The following MAP3K1 variants were observed in gnomAD, a reference collection of about 807,000 sequenced individuals.
MAP3K1 encodes MAP/ERK kinase kinase 1.
Under a neutral mutation model 144.2 loss-of-function variants are expected in MAP3K1, and 36 were observed. The observed-to-expected ratio is 0.25, with a 90% CI of 0.19 to 0.33. The LOEUF (loss-of-function observed/expected upper bound fraction) is 0.33. Among genes scored for constraint, MAP3K1 ranks in the 10% least tolerant of loss-of-function variants. The pLI is 1.00. For missense variants in MAP3K1, 1,650 were observed against 1,881.9 expected, an observed-to-expected ratio of 0.88 and a Z score of 2.28; for synonymous variants, 718 against 688.7, an observed-to-expected ratio of 1.04 and a Z score of -0.67.
chr5:56,855,251 G>T (rs1352669578), intron 1 of MAP3K1, among the ~76,000 whole-genome samples: 3 of 150,678 alleles, frequency 2.0e-5, no homozygotes, highest in African/African-American at 4.9e-5. Flanking sequence ...TTTATAATCA[G>T]CATAAAAAGC....
chr5:56,824,642 T>C (rs570682314), intron 1 of MAP3K1, among the ~76,000 whole-genome samples: 1 of 152,370 alleles, frequency 6.6e-6, no homozygotes, highest in East Asian at 1.9e-4. Context: ...GCTTGTAATA[T>C]AGATTAAGGA....
chr5:56,845,413 T>C (rs142623003), intron 1 of MAP3K1, among the ~76,000 whole-genome samples: 246 of 151,806 alleles, frequency 1.6e-3, no homozygotes, highest in Admixed American at 4.2e-3. Context: ...CATTTCACTG[T>C]GCCATGCATT....
At chr5:56,835,146 G>A (rs1285159169) in intron 1 of MAP3K1, among the ~76,000 whole-genome samples, 5 of 152,142 alleles carry the variant, frequency 3.3e-5, no homozygotes, top group African/African-American at 1.2e-4. Context: ...TTGATGGGCA[G>A]GCCCAGGATC....
intron 10 of MAP3K1, 116 bp from the exon 11 acceptor site, chr5:56,878,864 T>C: frequency 2.4e-6 from 2 of 834,936 alleles, no homozygotes; most frequent in Non-Finnish European, 4.0e-6. Context: ...TTTTATTCTA[T>C]GGGTTATAAT....
intron 12 of MAP3K1, 91 bp downstream of exon 12, chr5:56,880,893 T>C (rs1748184950): frequency 3.4e-6 from 4 of 1,164,322 alleles, no homozygotes; most frequent in Admixed American, 1.9e-5. Flanking sequence ...TGAGGCAGTT[T>C]ACAGGATTTT....
chr5:56,830,578 A>G (rs1746455906), intron 1 of MAP3K1, among the ~76,000 whole-genome samples: 2 of 152,140 alleles, frequency 1.3e-5, no homozygotes, highest in South Asian at 4.1e-4. Context: ...GTACACACAC[A>G]TTTTCCTGTA....
intron 11 of MAP3K1, 32 bp downstream of exon 11, chr5:56,879,133 C>G (rs1230611333): frequency 6.2e-7 from 1 of 1,613,496 alleles, no homozygotes; most frequent in Admixed American, 1.7e-5. Context: ...ACTTCAAACC[C>G]TCTTGTCTTA....
intron 5 of MAP3K1, 146 bp downstream of exon 5, chr5:56,865,602 C>CTTATAA: frequency 2.9e-6 from 2 of 692,080 alleles, no homozygotes; most frequent in Admixed American, 5.1e-5. Flanking sequence ...AAATAGTTCT[C>CTTATAA]ATGAGATATT....
chr5:56,853,094 T>C (rs746207978), intron 1 of MAP3K1, among the ~76,000 whole-genome samples: 6 of 152,228 alleles, frequency 3.9e-5, no homozygotes, highest in African/African-American at 1.4e-4. Context: ...TAGGATTTAC[T>C]ATATATTTCA....
Position 56,895,573 on chromosome 5 carries a change from CCCA to C in MAP3K1, c.*1898_*1900del, listed in dbSNP as rs955923152. On this transcript the variant is annotated 3_prime_UTR_variant, in exon 20 of 20. Coordinates refer to ENST00000399503, the MANE Select transcript of MAP3K1 (RefSeq NM_005921.2). ...CAGTATTACTTTGTAGATCACCATGCCCACCACATTTCAAACTCAAACTATCTG... is the reference window on the plus strand; with the variant it reads ...CAGTATTACTTTGTAGATCACCATGCCCACATTTCAAACTCAAACTATCTG... 27 of 232,270 alleles carry C rather than the reference CCCA, an allele frequency of 1.2e-4. No homozygotes were observed. Among genetic ancestry groups the C allele is most frequent in the African/African-American group, 4.6e-4 (21 of 45,400 alleles). The allele number at this position is 232,270 out of a possible 1,614,324, so 14.4% of individuals were successfully genotyped here.
rs199958010 is a variant in MAP3K1 at position 56,828,828 on chromosome 5, ACTT to A, written c.482+12780_482+12782del. 4.7e-3 allele frequency among the ~76,000 whole-genome samples: 708 copies of A among 152,200 alleles called. 6 individuals carry two copies. The highest frequency in any genetic ancestry group is 0.013 in the Admixed American group (206 of 15,286). ...AACCTCTAAAAAAGCTTCTTCTTTG[ACTT>A]CTTCTTGTGTTTATTTATAAAGACC... is the stretch of plus-strand genomic sequence containing the variant. On this transcript the variant is annotated intron_variant, in intron 1 of 19. Transcript: ENST00000399503.
intron 3 of MAP3K1, among the ~76,000 whole-genome samples, chr5:56,861,022 A>G (rs1747492417): frequency 1.3e-5 from 2 of 152,216 alleles, no homozygotes; most frequent in Non-Finnish European, 2.9e-5. Flanking sequence ...AACAAATGTG[A>G]TTATTTTCAT....
intron 2 of MAP3K1, among the ~76,000 whole-genome samples, chr5:56,857,053 A>T (rs1747364581): frequency 6.6e-6 from 1 of 152,178 alleles, no homozygotes; most frequent in Admixed American, 6.5e-5. Flanking sequence ...TGTAAATTTT[A>T]AAAAGAATTT....
intron 15 of MAP3K1, among the ~76,000 whole-genome samples, chr5:56,883,981 T>G (rs879432413): frequency 6.6e-6 from 1 of 151,944 alleles, no homozygotes; most frequent in Non-Finnish European, 1.5e-5. Flanking sequence ...AAACCCTACC[T>G]CTACTAAAAA....
Position 56,894,096 on chromosome 5 carries a change from A to C in MAP3K1, c.*416A>C. ...AGCAGGGGGTTCTGCAATTCCGTTC[A>C]AATTTTTTGTCACTGGCTATAAAAT... On this transcript the variant is annotated 3_prime_UTR_variant, in exon 20 of 20. Transcript: ENST00000399503. 1 of 318,238 alleles carries C rather than the reference A, an allele frequency of 3.1e-6. No individual in the cohort carries two copies. The highest frequency in any genetic ancestry group is 5.8e-5 in the South Asian group (1 of 17,390). 19.7% of individuals were successfully genotyped at this position (318,238 alleles called of 1,614,324 possible).
intron 1 of MAP3K1, among the ~76,000 whole-genome samples, chr5:56,847,496 C>T (rs930160797): frequency 1.1e-4 from 17 of 152,144 alleles, no homozygotes; most frequent in Middle Eastern, 3.4e-3. Flanking sequence ...ACTAGGGAGG[C>T]GAGGCTGCAG....
At chr5:56,861,886 G>A (rs1015771614) in intron 3 of MAP3K1, among the ~76,000 whole-genome samples, 1 of 152,108 alleles carries the variant, frequency 6.6e-6, no homozygotes, top group African/African-American at 2.4e-5. Flanking sequence ...ACCACAAGAG[G>A]AGTTTGGGTT....
At chr5:56,819,882 G>A (rs1044620526) in intron 1 of MAP3K1, among the ~76,000 whole-genome samples, 3 of 152,258 alleles carry the variant, frequency 2.0e-5, no homozygotes, top group African/African-American at 7.2e-5. Flanking sequence ...TTAATGTGAG[G>A]AAATGTGTAA....
chr5:56,831,948 C>T (rs1746506581), intron 1 of MAP3K1, among the ~76,000 whole-genome samples: 1 of 152,112 alleles, frequency 6.6e-6, no homozygotes, highest in Admixed American at 6.5e-5. Context: ...AGGGAATTGC[C>T]AGGTGTCTTT....
Sources: gnomAD v4.1 joint callset for allele counts (sites outside exome capture counted in the v4.1 genomes callset) on GRCh38, gnomAD v4.1.1 for gene constraint, MANE v1.5 for transcripts, NCBI Gene and HGNC (gene_info 2026-07-23, HGNC 2026-07-21) for gene names.